EPHA7: variants seen among roughly 807,000 people sequenced by gnomAD.
EPHA7 encodes the protein ephrin type-A receptor 7.
A neutral mutation model predicts 112.6 loss-of-function variants in EPHA7; 25 were observed. The ratio of observed to expected loss-of-function variants is 0.22; its 90% CI spans 0.16 to 0.31. The LOEUF (loss-of-function observed/expected upper bound fraction) is 0.31, where lower values mean the gene tolerates loss of function less well. Ranked by LOEUF, EPHA7 falls within the 10% of genes least tolerant of loss-of-function variation. The probability of loss-of-function intolerance (pLI) is 1.00; values close to 1 mark genes in which losing one functional copy is unlikely to be tolerated. For synonymous variants in EPHA7, 437 were observed against 406.5 expected, an observed-to-expected ratio of 1.07 and a Z score of -0.90; for missense variants, 962 against 1,212.6, an observed-to-expected ratio of 0.79 and a Z score of 3.07.
chr6:93,260,674 A>C lies in EPHA7; in HGVS notation c.1799-1195T>G, dbSNP rs1770646351. On this transcript the variant is annotated intron_variant, in intron 9 of 16. Coordinates refer to ENST00000369303, the MANE Select transcript of EPHA7 (RefSeq NM_004440.4). ...TGTATAAAGGAAAATGGGATTTAAA[A>C]ATCTTGATTTATTCTGCTGTAGTTG... The C allele has an allele frequency of 3.1e-6, 3 of 977,522 alleles. No homozygotes were observed. In the South Asian group the frequency reaches 1.4e-4, roughly 46 times the overall value. 60.6% of individuals were successfully genotyped at this position (977,522 alleles called of 1,614,324 possible).
Position 93,241,827 on chromosome 6 carries a change from A to G in EPHA7, c.*1599T>C, listed in dbSNP as rs1769703141. ...TACAGAGAAATGTGTGTACAAAACA[A>G]GACAGTATAAATAAAATTTACAAGT... On this transcript the variant is annotated 3_prime_UTR_variant, in exon 17 of 17. Transcript: ENST00000369303. The G allele has an allele frequency of 1.4e-5, 3 of 219,258 alleles. No individual in the cohort carries two copies. The South Asian group carries it at 5.6e-4, about 41-fold the overall frequency. 13.6% of individuals were successfully genotyped at this position (219,258 alleles called of 1,614,324 possible). A position where few individuals can be genotyped will look rare whatever the true frequency, so the allele number is the denominator to read the frequency against.
intron 5 of EPHA7, among the ~76,000 whole-genome samples, chr6:93,348,713 T>C (rs1166349022): frequency 6.6e-6 from 1 of 151,898 alleles, no homozygotes; most frequent in African/African-American, 2.4e-5. Flanking sequence ...TAACATTATA[T>C]CATTTGAATT....
chr6:93,406,700 G>C (rs1778738071), intron 3 of EPHA7, among the ~76,000 whole-genome samples: 2 of 151,870 alleles, frequency 1.3e-5, no homozygotes, highest in South Asian at 4.1e-4. Context: ...ACTGCAAACT[G>C]TCTATGCAAA....
At chr6:93,349,970 T>C (rs768151673) in intron 5 of EPHA7, among the ~76,000 whole-genome samples, 37 of 151,882 alleles carry the variant, frequency 2.4e-4, no homozygotes, top group Non-Finnish European at 4.4e-4. Flanking sequence ...TATAATGTTA[T>C]ATCACATGAC....
At chr6:93,344,579 G>A (rs1050117694) in intron 5 of EPHA7, among the ~76,000 whole-genome samples, 8 of 151,486 alleles carry the variant, frequency 5.3e-5, no homozygotes, top group Admixed American at 2.6e-4. Context: ...ACTCTACTAC[G>A]TATGCCATAG....
intron 3 of EPHA7, among the ~76,000 whole-genome samples, chr6:93,391,131 C>G (rs1777884131): frequency 6.6e-6 from 1 of 151,988 alleles, no homozygotes; most frequent in African/African-American, 2.4e-5. Flanking sequence ...GTCTAATAAT[C>G]CCTGTAGCCT....
intron 9 of EPHA7, among the ~76,000 whole-genome samples, chr6:93,263,187 A>G (rs753848569): frequency 6.6e-6 from 1 of 151,364 alleles, no homozygotes; most frequent in African/African-American, 2.4e-5. Flanking sequence ...ACATAAAGTA[A>G]TAACAGTTAC....
chr6:93,317,285 T>A (rs2127876943), intron 5 of EPHA7, among the ~76,000 whole-genome samples: 1 of 152,330 alleles, frequency 6.6e-6, no homozygotes, highest in African/African-American at 2.4e-5. Context: ...TTAAATAAGC[T>A]AATGTGAAAA....
At chr6:93,418,491 C>A (rs1007471765) in intron 1 of EPHA7, among the ~76,000 whole-genome samples, 6 of 152,238 alleles carry the variant, frequency 3.9e-5, no homozygotes, top group African/African-American at 1.2e-4. Context: ...ACAAATTGCA[C>A]AGCTCCAGCC....
intron 3 of EPHA7, among the ~76,000 whole-genome samples, chr6:93,376,013 C>G (rs1777042077): frequency 1.3e-5 from 2 of 152,090 alleles, no homozygotes; most frequent in African/African-American, 2.4e-5. Flanking sequence ...AGAAGATAGT[C>G]AGAAGGAGGT....
At chr6:93,276,111 T>C (rs1582431426) in intron 5 of EPHA7, among the ~76,000 whole-genome samples, 1 of 151,968 alleles carries the variant, frequency 6.6e-6, no homozygotes. Flanking sequence ...AACATGTAAA[T>C]ATGTAAATTC....
intron 3 of EPHA7, among the ~76,000 whole-genome samples, chr6:93,368,233 C>T (rs568959453): frequency 1.3e-5 from 2 of 152,012 alleles, no homozygotes; most frequent in African/African-American, 2.4e-5. Context: ...AACATTGTAC[C>T]TTAACTTGTA....
chr6:93,378,936 T>C (rs1777196972), intron 3 of EPHA7, among the ~76,000 whole-genome samples: 1 of 152,112 alleles, frequency 6.6e-6, no homozygotes, highest in African/African-American at 2.4e-5. Context: ...TTACTGTCAA[T>C]TACAATTTTC....
At chr6:93,282,700 G>A (rs932346718) in intron 5 of EPHA7, among the ~76,000 whole-genome samples, 13 of 152,184 alleles carry the variant, frequency 8.5e-5, no homozygotes, top group Non-Finnish European at 1.8e-4. Flanking sequence ...GGGCCAGCGC[G>A]AGTTCCCGGT....
intron 5 of EPHA7, among the ~76,000 whole-genome samples, chr6:93,314,858 C>CATT (rs1554180994): frequency 2.0e-5 from 2 of 101,376 alleles, no homozygotes; most frequent in Admixed American, 1.1e-4. Context: ...ATATAATTTT[C>CATT]TTTTTTTTTT....
chr6:93,298,885 G>T (rs1274159235), intron 5 of EPHA7, among the ~76,000 whole-genome samples: 2 of 152,072 alleles, frequency 1.3e-5, no homozygotes, highest in East Asian at 3.9e-4. Context: ...TGTTTATTTG[G>T]ATCTTCTCTC....
At chr6:93,248,580 T>C (rs779497813) in intron 14 of EPHA7, among the ~76,000 whole-genome samples, 16 of 152,068 alleles carry the variant, frequency 1.1e-4, no homozygotes, top group Non-Finnish European at 1.5e-4. Context: ...CTCTTCCCAA[T>C]CCTTTACTAT....
chr6:93,254,896 C>T, intron 13 of EPHA7, 100 bp from the exon 14 acceptor site: 2 of 902,436 alleles, frequency 2.2e-6, no homozygotes, highest in Non-Finnish European at 3.3e-6. Flanking sequence ...GTTGGTAGTT[C>T]AGCAGCATCA....
At chr6:93,308,483 C>A (rs558701801) in intron 5 of EPHA7, among the ~76,000 whole-genome samples, 4 of 151,976 alleles carry the variant, frequency 2.6e-5, no homozygotes, top group Non-Finnish European at 5.9e-5. Flanking sequence ...AAATGTTGGA[C>A]CTAAATTTCT....
Sources: gnomAD v4.1 joint callset for allele counts (sites outside exome capture counted in the v4.1 genomes callset) on GRCh38, gnomAD v4.1.1 for gene constraint, MANE v1.5 for transcripts, NCBI Gene and HGNC (gene_info 2026-07-23, HGNC 2026-07-21) for gene names.